FGFRL1: variants seen among roughly 807,000 people sequenced by gnomAD.
FGFRL1 encodes fibroblast growth factor receptor like 1.
A neutral mutation model predicts 36.8 loss-of-function variants in FGFRL1; 24 were observed. The ratio of observed to expected loss-of-function variants is 0.65; its 90% CI spans 0.47 to 0.92. The LOEUF (loss-of-function observed/expected upper bound fraction) is 0.92. FGFRL1 is among the 40% of genes least tolerant of loss of function. The pLI, the probability that FGFRL1 is intolerant of heterozygous loss-of-function variation, is 0.00. For synonymous variants in FGFRL1, 422 were observed against 344.1 expected, an observed-to-expected ratio of 1.23 and a Z score of -2.50; for missense variants, 785 against 753.4, an observed-to-expected ratio of 1.04 and a Z score of -0.49.
chr4:1,016,760 C>T (rs575407605), intron 2 of FGFRL1, among the ~76,000 whole-genome samples: 1 of 152,208 alleles, frequency 6.6e-6, no homozygotes, highest in African/African-American at 2.4e-5. Context: ...TGTGCCTGAG[C>T]GTCCCGGGGC....
chr4:1,012,390 C>G (rs548991506), intron 1 of FGFRL1, 80 bp from the exon 2 acceptor site: 5 of 1,531,242 alleles, frequency 3.3e-6, no homozygotes, highest in African/African-American at 1.4e-5. Flanking sequence ...GGCCAGACCC[C>G]TGATCCCCGC....
rs1190073500 is a variant in FGFRL1 at position 1,024,641 on chromosome 4, G to A, written c.1049G>A (p.Ser350Asn). Reference protein sequence around the residue: ...GANTMGYSFRSAFLTVLPDPK... With the variant: ...GANTMGYSFRNAFLTVLPDPK... The stretch of plus-strand genomic sequence containing the variant: ...AACACCATGGGCTACAGCTTCCGCA[G>A]CGCCTTCCTCACCGTGCTGCCAGGT... Residue 350 changes from serine to asparagine, a missense_variant, in exon 6 of 7, where the codon AGC (serine) becomes AAC (asparagine). Transcript: ENST00000510644. 1.2e-6 allele frequency: 2 copies of A among 1,605,478 alleles called. No individual in the cohort carries two copies. Among genetic ancestry groups the A allele is most frequent in the Non-Finnish European group, 1.7e-6 (2 of 1,174,910 alleles).
chr4:1,010,511 G>A (rs566267185), upstream of FGFRL1, among the ~76,000 whole-genome samples: 1 of 152,376 alleles, frequency 6.6e-6, no homozygotes, highest in East Asian at 1.9e-4. Flanking sequence ...CGGCTGCCAG[G>A]CCTCTCCAGT....
At chr4:1,013,575 G>C (rs1272626310) in intron 2 of FGFRL1, among the ~76,000 whole-genome samples, 3 of 152,274 alleles carry the variant, frequency 2.0e-5, no homozygotes, top group Non-Finnish European at 2.9e-5. Context: ...CTGAGCGGCT[G>C]CTCTGAGGGC....
chr4:1,014,923 C>G (rs138186935), intron 2 of FGFRL1, among the ~76,000 whole-genome samples: 1 of 152,202 alleles, frequency 6.6e-6, no homozygotes, highest in Non-Finnish European at 1.5e-5. Flanking sequence ...CTGGAAACGC[C>G]GACCGCAGAC....
intron 1 of FGFRL1, 182 bp from the exon 2 acceptor site, chr4:1,012,288 T>TTA (rs1553918476): frequency 1.7e-6 from 1 of 584,536 alleles, no homozygotes; most frequent in Non-Finnish European, 2.9e-6. Context: ...GTAATTAGTG[T>TTA]AAACCCTTTG....
chr4:1,024,362 C>T lies in FGFRL1; in HGVS notation c.770C>T (p.Thr257Met), dbSNP rs1716379966. 5 of 1,612,118 alleles carry T rather than the reference C, an allele frequency of 3.1e-6. No individual in the cohort carries two copies. Among genetic ancestry groups the T allele is most frequent in the Non-Finnish European group, 4.2e-6 (5 of 1,179,598 alleles). Reference protein sequence around the residue: ...VLTGTHPVNTTVDFGGTTSFQ... With the variant: ...VLTGTHPVNTMVDFGGTTSFQ... ...ACAGGCACGCACCCCGTGAACACGA[C>T]GGTGGACTTCGGGGGGACCACGTCC... The change falls in exon 6 of 7, where the codon ACG (threonine) becomes ATG (methionine). Residue 257 changes from threonine (T) to methionine (M), a missense_variant. By Grantham distance (81) the Thr-to-Met change is moderately conservative. Transcript: ENST00000510644.
At chr4:1,015,161 T>A (rs996662578) in intron 2 of FGFRL1, among the ~76,000 whole-genome samples, 7 of 152,212 alleles carry the variant, frequency 4.6e-5, no homozygotes, top group Admixed American at 4.6e-4. Context: ...GCTGGCCCTC[T>A]GTGCGGCCCG....
Position 1,023,548 on chromosome 4 carries a change from G to A in FGFRL1, c.353-93G>A. The A allele has an allele frequency of 2.5e-6, 3 of 1,179,298 alleles. No homozygotes were observed. The highest frequency in any genetic ancestry group is 3.7e-6 in the Non-Finnish European group (3 of 812,294). The allele number at this position is 1,179,298 out of a possible 1,614,324, so 73.1% of individuals were successfully genotyped here. A position where few individuals can be genotyped will look rare whatever the true frequency, so the allele number is the denominator to read the frequency against. ...CTGGGTGTCCAGGGCTGTCCCGGCT[G>A]GGGCTGGGGGAGCTAGAGGCCACGG... On this transcript the variant is annotated intron_variant, in intron 3 of 6. Transcript: ENST00000510644. The surrounding 1 kb of genome is among the most constrained non-coding windows in gnomAD (Gnocchi z 6.0).
intron 2 of FGFRL1, among the ~76,000 whole-genome samples, chr4:1,014,948 T>C (rs563979699): frequency 7.6e-4 from 116 of 152,312 alleles, no homozygotes; most frequent in African/African-American, 2.7e-3. Flanking sequence ...TTATCCATTG[T>C]GCGGGAATCA....
chr4:1,024,393 G>A lies in FGFRL1; in HGVS notation c.801G>A (p.Gln267=). 6.2e-7 allele frequency: 1 copy of A among 1,612,616 alleles called. No homozygotes were observed. The highest frequency in any genetic ancestry group is 8.5e-7 in the Non-Finnish European group (1 of 1,179,862). The change falls in exon 6 of 7, where the codon CAG becomes CAA. Residue 267 remains glutamine (Q), a synonymous_variant. Coordinates refer to ENST00000510644, the MANE Select transcript of FGFRL1 (RefSeq NM_001004356.3). ...TVDFGGTTSF[Q]CKVRSDVKPV... is the part of the protein sequence containing the mutation. ...ACTTCGGGGGGACCACGTCCTTCCA[G>A]TGCAAGGTGCGCAGCGACGTGAAGC...
At chr4:1,017,850 G>T (rs1229177573) in intron 2 of FGFRL1, among the ~76,000 whole-genome samples, 10 of 152,184 alleles carry the variant, frequency 6.6e-5, no homozygotes, top group Admixed American at 6.5e-4. Context: ...GGCAGCCCCA[G>T]CCCTGCATCC....
chr4:1,014,870 G>A (rs577506057), intron 2 of FGFRL1, among the ~76,000 whole-genome samples: 4 of 152,226 alleles, frequency 2.6e-5, no homozygotes, highest in Admixed American at 6.5e-5. Context: ...TGTCCCCTTG[G>A]GGGGAGGGAG....
In FGFRL1 at chr4:1,011,904, C is replaced by T. The variant is rs1258575070; in HGVS notation, c.-67C>T. 1.4e-5 allele frequency: 2 copies of T among 145,548 alleles called. No individual in the cohort carries two copies. Among genetic ancestry groups the T allele is most frequent in the East Asian group, 4.1e-4 (2 of 4,926 alleles). The allele number at this position is 145,548 out of a possible 1,614,324, so 9.0% of individuals were successfully genotyped here. A position where few individuals can be genotyped will look rare whatever the true frequency, so the allele number is the denominator to read the frequency against. ...GGCGGCGATGACCGCGGAGCGCACGCCGCGGGCCCGGCCCTGACCCCGCCG... is the reference window on the plus strand; with the variant it reads ...GGCGGCGATGACCGCGGAGCGCACGTCGCGGGCCCGGCCCTGACCCCGCCG... On this transcript the variant is annotated 5_prime_UTR_variant, in exon 1 of 7. Coordinates refer to ENST00000510644, the MANE Select transcript of FGFRL1 (RefSeq NM_001004356.3).
intron 2 of FGFRL1, among the ~76,000 whole-genome samples, chr4:1,017,284 G>A (rs1034368690): frequency 1.2e-4 from 13 of 111,954 alleles, no homozygotes; most frequent in Admixed American, 4.1e-4. Context: ...GGCCTCGTTC[G>A]GCTGCCAGGA....
chr4:1,015,880 C>T (rs1049056499), intron 2 of FGFRL1, among the ~76,000 whole-genome samples: 2 of 152,254 alleles, frequency 1.3e-5, no homozygotes, highest in African/African-American at 2.4e-5. Flanking sequence ...AGCCTTCCTG[C>T]CCTGTTCCCA....
At position 1,026,018 on chromosome 4, in the gene FGFRL1, C is replaced by G. The variant is rs551177228; in HGVS notation, c.*671C>G. 1 of 142,816 alleles carries G rather than the reference C, an allele frequency of 7.0e-6. No homozygotes were observed. The allele number at this position is 142,816 out of a possible 1,614,324, so 8.8% of individuals were successfully genotyped here. A position where few individuals can be genotyped will look rare whatever the true frequency, so the allele number is the denominator to read the frequency against. On this transcript the variant is annotated 3_prime_UTR_variant, in exon 7 of 7. Coordinates refer to ENST00000510644, the MANE Select transcript of FGFRL1 (RefSeq NM_001004356.3). ...GATATGCTGTCTAGTCACACACACA[C>G]GCAGACATGCTGTCCGGACACACAC...
chr4:1,022,039 G>T (rs1214270299), intron 2 of FGFRL1, among the ~76,000 whole-genome samples, 164 bp from the exon 3 acceptor site: 1 of 152,228 alleles, frequency 6.6e-6, no homozygotes, highest in African/African-American at 2.4e-5. Flanking sequence ...CTGAGGCCTG[G>T]GTCAGGGGCA....
intron 2 of FGFRL1, among the ~76,000 whole-genome samples, chr4:1,020,239 C>T (rs866274808): frequency 2.0e-5 from 3 of 152,220 alleles, no homozygotes; most frequent in Admixed American, 1.3e-4. Context: ...GTGTTCTGCA[C>T]GCAGCCTGGA....
Sources: gnomAD v4.1 joint callset for allele counts (sites outside exome capture counted in the v4.1 genomes callset) on GRCh38, gnomAD v4.1.1 for gene constraint, Gnocchi (gnomAD v3.1) non-coding constraint, MANE v1.5 for transcripts, NCBI Gene and HGNC (gene_info 2026-07-23, HGNC 2026-07-21) for gene names.